The following CWC27 variants were observed in gnomAD, a reference collection of about 807,000 sequenced individuals.
The protein encoded by CWC27 is spliceosome-associated protein CWC27 homolog.
A neutral mutation model predicts 63.6 loss-of-function variants in CWC27; 47 were observed. The ratio of observed to expected loss-of-function variants is 0.74; its 90% CI spans 0.58 to 0.94. The LOEUF (loss-of-function observed/expected upper bound fraction) is 0.94. Ranked by LOEUF, CWC27 falls within the 40% of genes least tolerant of loss-of-function variation. CWC27 has a pLI of 0.00. For missense variants in CWC27, 495 were observed against 554.3 expected (o/e 0.89, Z 1.07); for synonymous variants, 175 against 179.8 (o/e 0.97, Z 0.22).
chr5:64,841,816 C>T (rs1580664630), intron 10 of CWC27, among the ~76,000 whole-genome samples: 1 of 152,246 alleles, frequency 6.6e-6, no homozygotes, highest in East Asian at 1.9e-4. Flanking sequence ...GCTGGGATTA[C>T]AGACCTGTGC....
chr5:64,979,609 G>A (rs1353019636), intron 13 of CWC27, among the ~76,000 whole-genome samples: 1 of 152,174 alleles, frequency 6.6e-6, no homozygotes, highest in Non-Finnish European at 1.5e-5. Flanking sequence ...CAAATATTAT[G>A]AGTGCATGGC....
intron 11 of CWC27, among the ~76,000 whole-genome samples, chr5:64,921,228 C>T (rs1341403407): frequency 1.3e-5 from 2 of 152,124 alleles, no homozygotes; most frequent in African/African-American, 2.4e-5. Flanking sequence ...GTTTAATTTC[C>T]ATGTAAGTGT....
chr5:64,838,699 C>G (rs1228566174), intron 10 of CWC27, among the ~76,000 whole-genome samples: 1 of 152,138 alleles, frequency 6.6e-6, no homozygotes, highest in Non-Finnish European at 1.5e-5. Context: ...CTCCGGAAAG[C>G]CCATTTCCCC....
In CWC27 at chr5:64,804,126, C is replaced by T. The variant is rs1457797724; in HGVS notation, c.781-103C>T. 5 of 940,814 alleles carry T rather than the reference C, an allele frequency of 5.3e-6. 1 individual carries two copies. The highest frequency in any genetic ancestry group is 3.0e-4 in the Middle Eastern group (1 of 3,320). 58.3% of individuals were successfully genotyped at this position (940,814 alleles called of 1,614,324 possible). A position where few individuals can be genotyped will look rare whatever the true frequency, so the allele number is the denominator to read the frequency against. ...AAAGAAAACAAAATAAAAAAAAAAACCTAGTTTAGAATGCAATAAGGAGAT... is the reference window on the plus strand; with the variant it reads ...AAAGAAAACAAAATAAAAAAAAAAATCTAGTTTAGAATGCAATAAGGAGAT... On this transcript the variant is annotated intron_variant, in intron 9 of 13. Coordinates refer to ENST00000381070, the MANE Select transcript of CWC27 (RefSeq NM_005869.4).
chr5:64,861,005 T>A (rs889221857), intron 10 of CWC27, among the ~76,000 whole-genome samples: 2 of 152,138 alleles, frequency 1.3e-5, no homozygotes, highest in Non-Finnish European at 2.9e-5. Context: ...TTCTGCAATA[T>A]CTGGGACCTT....
At chr5:64,932,089 A>G (rs540734378) in intron 11 of CWC27, among the ~76,000 whole-genome samples, 2 of 152,094 alleles carry the variant, frequency 1.3e-5, no homozygotes, top group East Asian at 1.9e-4. Context: ...CTCCTAAGTG[A>G]TTTATATGTA....
intron 13 of CWC27, among the ~76,000 whole-genome samples, chr5:64,997,865 T>C (rs1279387009): frequency 6.6e-6 from 1 of 152,138 alleles, no homozygotes; most frequent in Non-Finnish European, 1.5e-5. Flanking sequence ...TCCATTCCTC[T>C]CTCTTAGCCA....
At chr5:64,994,346 A>T (rs949212273) in intron 13 of CWC27, among the ~76,000 whole-genome samples, 1 of 152,234 alleles carries the variant, frequency 6.6e-6, no homozygotes, top group African/African-American at 2.4e-5. Context: ...TATCAAGAGG[A>T]TATTGCATAA....
chr5:64,887,660 A>G (rs1747110052), intron 11 of CWC27, among the ~76,000 whole-genome samples: 1 of 152,166 alleles, frequency 6.6e-6, no homozygotes, highest in African/African-American at 2.4e-5. Context: ...AAGGATTCCT[A>G]AAATTTTACT....
intron 10 of CWC27, chr5:64,808,527 C>T (rs1323149161): frequency 5.6e-6 from 1 of 177,104 alleles, no homozygotes; most frequent in African/African-American, 2.4e-5. Flanking sequence ...TTTGTAAATA[C>T]ATGAACAAAA....
intron 11 of CWC27, among the ~76,000 whole-genome samples, chr5:64,940,666 G>C (rs979498716): frequency 2.6e-5 from 4 of 151,860 alleles, no homozygotes; most frequent in Non-Finnish European, 1.5e-5. Context: ...TCTAAAAAAG[G>C]GCTTTCCTTT....
At position 64,781,938 on chromosome 5, in the gene CWC27, AT is replaced by A; in HGVS notation, c.162del (p.His55IlefsTer8). ...LCLEAYYDNT[I>X]FHRVVPGFIV... ...TTTTTCAGCTTATTATGACAATACC[AT>A]TTTTCATAGAGTTGTGCCTGGTTTC... On this transcript the variant is annotated frameshift_variant, in exon 3 of 14. Coordinates refer to ENST00000381070, the MANE Select transcript of CWC27 (RefSeq NM_005869.4). LOFTEE classifies it high-confidence loss of function. 1.9e-6 allele frequency: 3 copies of A among 1,580,206 alleles called. No individual in the cohort carries two copies. The highest frequency in any genetic ancestry group is 1.1e-5 in the South Asian group (1 of 87,286).
chr5:64,847,506 C>G lies in CWC27; in HGVS notation c.939-37937C>G, dbSNP rs80220189. Reference sequence around the variant, plus strand: ...AATCCAGAAAATTAATAAGGAAACACTGGACTGTAACAATACTTTTGACCA... The same window carrying G: ...AATCCAGAAAATTAATAAGGAAACAGTGGACTGTAACAATACTTTTGACCA... On this transcript the variant is annotated intron_variant, in intron 10 of 13. Coordinates refer to ENST00000381070, the MANE Select transcript of CWC27 (RefSeq NM_005869.4). Among the ~76,000 whole-genome samples the G allele has an allele frequency of 8.6e-3, 1,304 of 152,234 alleles. 21 individuals are homozygous for G. The highest frequency in any genetic ancestry group is 0.03 in the African/African-American group (1,235 of 41,538).
chr5:64,841,152 A>G (rs1257720080), intron 10 of CWC27, among the ~76,000 whole-genome samples: 2 of 152,328 alleles, frequency 1.3e-5, no homozygotes, highest in Non-Finnish European at 1.5e-5. Flanking sequence ...TGGGAAGTCC[A>G]AGACCATGGT....
At chr5:64,930,643 A>G (rs73107289) in intron 11 of CWC27, among the ~76,000 whole-genome samples, 13,540 of 152,144 alleles carry the variant, frequency 0.089, 1,923 homozygotes, top group African/African-American at 0.3. Flanking sequence ...CTAAATCTAG[A>G]GGGAATGCTG....
rs764082960 is a variant in CWC27, at chr5:64,789,048, A to T, written c.669+28A>T. The T allele has an allele frequency of 2.0e-6, 3 of 1,527,900 alleles. No homozygotes were observed. In the South Asian group the frequency reaches 3.6e-5, roughly 18 times the overall value. The allele number at this position is 1,527,900 out of a possible 1,614,324, so 94.6% of individuals were successfully genotyped here. ...AATCTCTAATTTGCCCTTTGTTCTA[A>T]CTTACAAAAGAGATTGGGGTCTATA... On this transcript the variant is annotated intron_variant, in intron 7 of 13. Transcript: ENST00000381070.
At chr5:64,914,150 A>AT (rs1269159029) in intron 11 of CWC27, among the ~76,000 whole-genome samples, 4 of 152,186 alleles carry the variant, frequency 2.6e-5, no homozygotes, top group African/African-American at 9.6e-5. Context: ...CACACCAGAC[A>AT]TAAAAACTAA....
chr5:64,920,992 CT>C (rs1747985276), intron 11 of CWC27, among the ~76,000 whole-genome samples: 2 of 151,948 alleles, frequency 1.3e-5, no homozygotes, highest in African/African-American at 4.8e-5. Flanking sequence ...TTCTGCTAGG[CT>C]TTGGGGTTGG....
chr5:64,789,130 A>T, intron 7 of CWC27, 110 bp downstream of exon 7: 2 of 572,796 alleles, frequency 3.5e-6, no homozygotes, highest in Admixed American at 6.6e-5. Context: ...TACATGGGGC[A>T]GGCTCAGTAA....
Sources: allele counts gnomAD v4.1 joint callset (sites outside exome capture counted in the v4.1 genomes callset), GRCh38; gene constraint gnomAD v4.1.1; transcripts MANE v1.5; gene names NCBI Gene and HGNC (gene_info 2026-07-23, HGNC 2026-07-21).